The following GPR107 variants were observed in gnomAD, a reference collection of about 807,000 sequenced individuals.
GPR107 encodes protein GPR107.
In GPR107, 31 loss-of-function variants were observed where a neutral mutation model predicts 75.5. That is an observed-to-expected ratio of 0.41 (90% CI 0.31 to 0.55). The LOEUF is 0.55. Among genes scored for constraint, GPR107 ranks in the 20% least tolerant of loss-of-function variants. GPR107 has a pLI of 0.26. For synonymous variants in GPR107, 267 were observed against 251.3 expected (o/e 1.06, Z -0.59); for missense variants, 572 against 665.7 (o/e 0.86, Z 1.55).
At chr9:130,114,625 G>T in intron 14 of GPR107, 2 of 646,286 alleles carry the variant, frequency 3.1e-6, no homozygotes, top group South Asian at 1.6e-5. Context: ...GCCTCTAGCT[G>T]TCCTCCTGCC....
At chr9:130,060,146 T>G (rs1342693783) in intron 1 of GPR107, among the ~76,000 whole-genome samples, 1 of 151,794 alleles carries the variant, frequency 6.6e-6, no homozygotes, top group Non-Finnish European at 1.5e-5. Context: ...CATTGCAACC[T>G]CCGCCTCCCA....
intron 6 of GPR107, among the ~76,000 whole-genome samples, chr9:130,085,262 A>G (rs1295079666): frequency 1.3e-5 from 2 of 152,268 alleles, no homozygotes; most frequent in East Asian, 3.9e-4. Flanking sequence ...ACTAGAGCAG[A>G]GCCTTGGATG....
At chr9:130,088,171 A>C (rs1830657441) in intron 7 of GPR107, among the ~76,000 whole-genome samples, 2 of 152,164 alleles carry the variant, frequency 1.3e-5, no homozygotes, top group African/African-American at 4.8e-5. Flanking sequence ...CTGGTCTGCA[A>C]GGCCCATGTG....
rs138863011 is a variant in GPR107 at position 130,073,247 on chromosome 9, A to G, written c.142-2389A>G. ...CCTCTGCAGTCCTGCTCCACTGAGG[A>G]TTCTGCCAGAGAATGAAGCCCTAAT... On this transcript the variant is annotated intron_variant, in intron 1 of 17. Transcript: ENST00000347136. Among the ~76,000 whole-genome samples, 3 of 152,306 alleles carry G rather than the reference A, an allele frequency of 2.0e-5. No individual in the cohort carries two copies. The East Asian group carries it at 5.8e-4, about 29-fold the overall frequency.
At chr9:130,131,165 G>C (rs782766369) in intron 17 of GPR107, among the ~76,000 whole-genome samples, 3 of 152,166 alleles carry the variant, frequency 2.0e-5, no homozygotes, top group South Asian at 2.1e-4. Flanking sequence ...CCCCACCGCC[G>C]TATGTTCCTG....
intron 6 of GPR107, among the ~76,000 whole-genome samples, chr9:130,084,910 G>A (rs1830581018): frequency 6.6e-6 from 1 of 152,208 alleles, no homozygotes; most frequent in Non-Finnish European, 1.5e-5. Flanking sequence ...CCGGGGCTGA[G>A]TCTGGAGTTT....
At chr9:130,131,753 G>A (rs553034741) in intron 17 of GPR107, among the ~76,000 whole-genome samples, 20 of 152,206 alleles carry the variant, frequency 1.3e-4, no homozygotes, top group African/African-American at 3.9e-4. Flanking sequence ...CTCTTCCTCA[G>A]CCCGTGCAGA....
chr9:130,134,457 G>T (rs527702129), intron 17 of GPR107, among the ~76,000 whole-genome samples: 1 of 152,228 alleles, frequency 6.6e-6, no homozygotes, highest in Non-Finnish European at 1.5e-5. Context: ...GAGGCCATGC[G>T]CTGAGGCACA....
chr9:130,090,108 A>G (rs1830699358), intron 7 of GPR107, among the ~76,000 whole-genome samples: 1 of 152,134 alleles, frequency 6.6e-6, no homozygotes, highest in Non-Finnish European at 1.5e-5. Context: ...TTGTAGTTTA[A>G]TAGGTATATA....
At chr9:130,119,920 C>T (rs1199710203) in intron 14 of GPR107, among the ~76,000 whole-genome samples, 2 of 152,172 alleles carry the variant, frequency 1.3e-5, no homozygotes, top group Admixed American at 6.5e-5. Context: ...TTACTTTGGC[C>T]TCAGCCTCCC....
At chr9:130,071,126 C>T (rs1303187869) in intron 1 of GPR107, among the ~76,000 whole-genome samples, 2 of 143,532 alleles carry the variant, frequency 1.4e-5, no homozygotes, top group Non-Finnish European at 3.0e-5. Flanking sequence ...GCCTCGACAT[C>T]CTGGGCTAAA....
intron 14 of GPR107, among the ~76,000 whole-genome samples, chr9:130,116,862 AC>A (rs1189959739): frequency 1.3e-5 from 2 of 151,984 alleles, no homozygotes; most frequent in Non-Finnish European, 2.9e-5. Context: ...AATTTCGTTT[AC>A]AATAATATGC....
intron 1 of GPR107, among the ~76,000 whole-genome samples, chr9:130,069,335 G>A (rs550893869): frequency 6.6e-6 from 1 of 152,122 alleles, no homozygotes; most frequent in Non-Finnish European, 1.5e-5. Context: ...CCTTTACCAC[G>A]GTGTCAGTGC....
Position 130,101,208 on chromosome 9 carries a change from T to G in GPR107, c.1116T>G (p.Ile372Met). 6.4e-7 allele frequency: 1 copy of G among 1,554,610 alleles called. No individual in the cohort carries two copies. The highest frequency in any genetic ancestry group is 8.9e-7 in the Non-Finnish European group (1 of 1,125,590). ...ATAAAGACAAAAAGATCTTCATGATTGTCATTCCACTCCAGGTAAAAGAAC... is the reference window on the plus strand; with the variant it reads ...ATAAAGACAAAAAGATCTTCATGATGGTCATTCCACTCCAGGTAAAAGAAC... ...LSDKDKKIFM[I>M]VIPLQVLANV... The change falls in exon 12 of 18, where the codon ATT (isoleucine) becomes ATG (methionine). Residue 372 changes from isoleucine (I) to methionine (M), a missense_variant. By Grantham distance (10) the Ile-to-Met change is conservative (BLOSUM62 1). Transcript: ENST00000347136.
At chr9:130,128,241 G>C (rs1831732556) in intron 16 of GPR107, among the ~76,000 whole-genome samples, 1 of 152,158 alleles carries the variant, frequency 6.6e-6, no homozygotes, top group Non-Finnish European at 1.5e-5. Flanking sequence ...CTTCTTCTTT[G>C]CCCATTTTAT....
rs1183225563 is a variant in GPR107 at position 130,092,315 on chromosome 9, A to G, written c.797A>G (p.Tyr266Cys). Residue 266 changes from tyrosine to cysteine, a missense_variant, in exon 9 of 18, where the codon TAC becomes TGC. Coordinates refer to ENST00000347136, the MANE Select transcript of GPR107 (RefSeq NM_020960.5). ...SAGEIPLPKL[Y>C]ISMAFFFFLS... ...GGAGAAATTCCTCTCCCCAAATTAT[A>G]CATCTCAATGGCCTTTTTCTTCTTT... 3 of 1,607,848 alleles carry G rather than the reference A, an allele frequency of 1.9e-6. No homozygotes were observed. The highest frequency in any genetic ancestry group is 2.2e-5 in the East Asian group (1 of 44,864).
intron 7 of GPR107, among the ~76,000 whole-genome samples, chr9:130,087,727 T>TGG (rs76867586): frequency 1.4e-5 from 2 of 139,970 alleles, no homozygotes; most frequent in Non-Finnish European, 3.0e-5. Flanking sequence ...TACTTGAGCC[T>TGG]GGGGGGTCAA....
intron 17 of GPR107, chr9:130,129,185 T>A (rs997138120): frequency 6.0e-6 from 1 of 165,828 alleles, no homozygotes; most frequent in Non-Finnish European, 1.3e-5. Context: ...TATCGTCAGA[T>A]AACTGCGTGG....
chr9:130,094,481 G>A (rs117099181), intron 9 of GPR107, among the ~76,000 whole-genome samples: 2,541 of 152,230 alleles, frequency 0.017, 35 homozygotes, highest in Non-Finnish European at 0.025. Flanking sequence ...GCTGAGGTGG[G>A]AGGATTGCTT....
Sources: allele counts gnomAD v4.1 joint callset (sites outside exome capture counted in the v4.1 genomes callset), GRCh38; gene constraint gnomAD v4.1.1; transcripts MANE v1.5; gene names NCBI Gene and HGNC (gene_info 2026-07-23, HGNC 2026-07-21).